Variants in CCDC148 observed in about 807,000 individuals in gnomAD.
CCDC148 encodes the protein coiled-coil domain-containing protein 148.
Under a neutral mutation model 85.7 loss-of-function variants are expected in CCDC148, and 89 were observed. The ratio of observed to expected loss-of-function variants is 1.04; its 90% CI spans 0.87 to 1.24. The LOEUF (loss-of-function observed/expected upper bound fraction) is 1.24. CCDC148 is among the 50% of genes most tolerant of loss of function. CCDC148 has a pLI of 0.00. For missense variants in CCDC148, 692 were observed against 671.7 expected, an observed-to-expected ratio of 1.03 and a Z score of -0.33; for synonymous variants, 230 against 213.9, an observed-to-expected ratio of 1.08 and a Z score of -0.66.
At chr2:158,362,734 G>A (rs1355137553) in intron 1 of CCDC148, among the ~76,000 whole-genome samples, 1 of 152,010 alleles carries the variant, frequency 6.6e-6, no homozygotes, top group Non-Finnish European at 1.5e-5. Flanking sequence ...ATCTAAAATT[G>A]ACACCCTAAC....
At chr2:158,266,296 A>C (rs1689449893) in intron 9 of CCDC148, among the ~76,000 whole-genome samples, 1 of 152,078 alleles carries the variant, frequency 6.6e-6, no homozygotes, top group African/African-American at 2.4e-5. Context: ...GCTCCGTCTC[A>C]AGGCACTTAA....
At chr2:158,252,937 T>C (rs1688855114) in intron 9 of CCDC148, among the ~76,000 whole-genome samples, 1 of 151,780 alleles carries the variant, frequency 6.6e-6, no homozygotes, top group Non-Finnish European at 1.5e-5. Flanking sequence ...AACTTTGCCA[T>C]AGCTTCACAT....
chr2:158,271,145 T>C (rs945257850), intron 9 of CCDC148, among the ~76,000 whole-genome samples: 1 of 152,184 alleles, frequency 6.6e-6, no homozygotes, highest in African/African-American at 2.4e-5. Flanking sequence ...TTTCATCATC[T>C]AATAGATTTA....
chr2:158,203,239 C>T (rs975141134), intron 11 of CCDC148, among the ~76,000 whole-genome samples: 12 of 152,176 alleles, frequency 7.9e-5, no homozygotes, highest in African/African-American at 2.9e-4. Context: ...AGATCAATCT[C>T]ATGTTTATCT....
chr2:158,204,699 C>T (rs1686146178), intron 11 of CCDC148, among the ~76,000 whole-genome samples: 1 of 151,148 alleles, frequency 6.6e-6, no homozygotes, highest in African/African-American at 2.4e-5. Flanking sequence ...AAAAACCATC[C>T]TCTCCACGCC....
At chr2:158,409,014 T>C (rs1686143358) in intron 1 of CCDC148, among the ~76,000 whole-genome samples, 1 of 152,144 alleles carries the variant, frequency 6.6e-6, no homozygotes, top group Non-Finnish European at 1.5e-5. Context: ...CATTTTTTCA[T>C]AGGATTATTT....
chr2:158,400,544 T>C (rs943927257), intron 1 of CCDC148, among the ~76,000 whole-genome samples: 1 of 152,294 alleles, frequency 6.6e-6, no homozygotes, highest in East Asian at 1.9e-4. Flanking sequence ...TTACACCTTA[T>C]ACAAAAATTA....
intron 11 of CCDC148, among the ~76,000 whole-genome samples, chr2:158,208,156 G>C (rs778718463): frequency 1.1e-4 from 16 of 152,180 alleles, no homozygotes; most frequent in Admixed American, 2.6e-4. Context: ...CTTGGATTTG[G>C]AACTGGATGC....
intron 1 of CCDC148, among the ~76,000 whole-genome samples, chr2:158,417,735 T>C (rs1469814148): frequency 6.6e-6 from 1 of 152,206 alleles, no homozygotes; most frequent in East Asian, 1.9e-4. Context: ...TGTCTTGTTG[T>C]CTATTCCTTG....
chr2:158,319,057 C>T (rs1016383604), intron 7 of CCDC148, among the ~76,000 whole-genome samples: 11 of 152,166 alleles, frequency 7.2e-5, no homozygotes, highest in African/African-American at 2.4e-4. Context: ...TAAGCCACAG[C>T]ACCTCACCTA....
At chr2:158,215,337 C>T (rs1334892885) in intron 11 of CCDC148, among the ~76,000 whole-genome samples, 1 of 151,990 alleles carries the variant, frequency 6.6e-6, no homozygotes, top group Non-Finnish European at 1.5e-5. Flanking sequence ...GGTTTATTTG[C>T]AGAGATACCA....
intron 10 of CCDC148, among the ~76,000 whole-genome samples, chr2:158,249,795 G>A (rs1391392945): frequency 3.9e-5 from 6 of 152,056 alleles, no homozygotes; most frequent in Non-Finnish European, 8.8e-5. Context: ...TGACTTAGTT[G>A]GTCACATAGT....
chr2:158,239,505 C>T (rs1688258742), intron 10 of CCDC148, among the ~76,000 whole-genome samples: 1 of 152,064 alleles, frequency 6.6e-6, no homozygotes, highest in South Asian at 2.1e-4. Context: ...TTTCTGTTAC[C>T]TATTGACTCA....
At chr2:158,217,254 T>C (rs181671671) in intron 11 of CCDC148, among the ~76,000 whole-genome samples, 3 of 150,314 alleles carry the variant, frequency 2.0e-5, no homozygotes, top group Admixed American at 1.3e-4. Flanking sequence ...ACTCAACCAT[T>C]TTGACCTACA....
At chr2:158,383,548 ATT>A (rs924833401) in intron 1 of CCDC148, among the ~76,000 whole-genome samples, 2 of 151,800 alleles carry the variant, frequency 1.3e-5, no homozygotes, top group Non-Finnish European at 2.9e-5. Context: ...TATTTTATAA[ATT>A]TTCAGTGAAA....
intron 1 of CCDC148, chr2:158,381,047 C>G (rs1303160464): frequency 6.6e-6 from 1 of 151,982 alleles, no homozygotes; most frequent in African/African-American, 2.4e-5. Flanking sequence ...TATTCATGAC[C>G]TTGGAATTGG....
chr2:158,340,520 AAG>A (rs1682628153), intron 4 of CCDC148, 76 bp downstream of exon 4: 2 of 1,383,414 alleles, frequency 1.4e-6, no homozygotes, highest in East Asian at 2.3e-5. Flanking sequence ...TTAATATTAA[AAG>A]AACATGAAGT....
intron 11 of CCDC148, among the ~76,000 whole-genome samples, chr2:158,218,947 G>T (rs1197727473): frequency 6.6e-6 from 1 of 152,138 alleles, no homozygotes; most frequent in Non-Finnish European, 1.5e-5. Flanking sequence ...GGAATGCTTA[G>T]CATCTATTTG....
In CCDC148 at chr2:158,370,895, A is replaced by T. The variant is rs180824844; in HGVS notation, c.26-12325T>A. Among the ~76,000 whole-genome samples, 11 of 143,940 alleles carry T rather than the reference A, an allele frequency of 7.6e-5. No homozygotes were observed. In the East Asian group the frequency reaches 2.0e-3, roughly 26 times the overall value. 94.4% of individuals were successfully genotyped at this position (143,940 alleles called of 152,430 possible). ...CTACCAAAGTTGATTACGGGAAATT[A>T]AAAAAAAAAATTGAACAGAAAGAAA... On this transcript the variant is annotated intron_variant, in intron 1 of 13. Transcript: ENST00000283233.
Sources: allele counts gnomAD v4.1 joint callset (sites outside exome capture counted in the v4.1 genomes callset), GRCh38; gene constraint gnomAD v4.1.1; transcripts MANE v1.5; gene names NCBI Gene and HGNC (gene_info 2026-07-23, HGNC 2026-07-21).